NAV3: variants seen among roughly 807,000 people sequenced by gnomAD.
NAV3 encodes neuron navigator 3.
NAV3 carries 87 observed loss-of-function variants against 244.7 expected under a neutral mutation model. The ratio of observed to expected loss-of-function variants is 0.36; its 90% confidence interval spans 0.30 to 0.42. The LOEUF (loss-of-function observed/expected upper bound fraction) is 0.42. NAV3 is among the 20% of genes least tolerant of loss of function. NAV3 has a pLI of 1.00. For missense variants in NAV3, 2,663 were observed against 2,893.3 expected (o/e 0.92, Z 1.83); for synonymous variants, 1,126 against 1,042.2 (o/e 1.08, Z -1.55).
At chr12:77,857,521 T>G (rs1388616730) in intron 1 of NAV3, among the ~76,000 whole-genome samples, 1 of 151,928 alleles carries the variant, frequency 6.6e-6, no homozygotes, top group Non-Finnish European at 1.5e-5. Context: ...TTCCATTTCT[T>G]TCAAGTATTC....
chr12:78,179,818 C>T (rs947453446), intron 29 of NAV3, 136 bp downstream of exon 29: 2 of 1,040,346 alleles, frequency 1.9e-6, no homozygotes, highest in South Asian at 1.9e-5. Context: ...TCAGTCTTTG[C>T]AACTCATCTG....
intron 9 of NAV3, among the ~76,000 whole-genome samples, chr12:78,047,851 A>T (rs991023036): frequency 6.6e-6 from 1 of 151,710 alleles, no homozygotes; most frequent in Non-Finnish European, 1.5e-5. Context: ...TACCAGTCAA[A>T]CCTAGGTTTG....
At chr12:77,606,813 G>T (rs696454) in intron 2 of NAV3, among the ~76,000 whole-genome samples, 1 of 151,996 alleles carries the variant, frequency 6.6e-6, no homozygotes, top group African/African-American at 2.4e-5. Flanking sequence ...GCTGTAATCC[G>T]TTAGAGCAAG....
intron 12 of NAV3, chr12:78,088,909 A>G (rs1183428419): frequency 1.3e-5 from 2 of 152,124 alleles, no homozygotes; most frequent in African/African-American, 4.8e-5. Flanking sequence ...AACCCCAAAC[A>G]TCTTCTCTTA....
intron 2 of NAV3, among the ~76,000 whole-genome samples, chr12:77,578,004 C>T (rs1210917734): frequency 6.6e-6 from 1 of 151,960 alleles, no homozygotes; most frequent in Non-Finnish European, 1.5e-5. Context: ...TAATTGTCTC[C>T]AAAATTGATT....
chr12:78,071,673 G>T (rs1952777259), intron 12 of NAV3, among the ~76,000 whole-genome samples: 1 of 152,074 alleles, frequency 6.6e-6, no homozygotes, highest in South Asian at 2.1e-4. Flanking sequence ...AAGGGATCCA[G>T]TTTCAGCTTT....
At chr12:78,036,834 A>G in intron 9 of NAV3, 2 of 655,286 alleles carry the variant, frequency 3.1e-6, no homozygotes, top group Non-Finnish European at 5.5e-6. Flanking sequence ...TATGAAGTCC[A>G]ATTGAAAGGA....
intron 2 of NAV3, among the ~76,000 whole-genome samples, chr12:77,592,459 T>C (rs11105822): frequency 0.22 from 33,927 of 152,172 alleles, 3,904 homozygotes; most frequent in Admixed American, 0.26. Context: ...GGGGCTCTTT[T>C]TGTGTCACTC....
At chr12:77,827,236 CAAAAAAAAAAAAAAA>C (rs10615824), upstream of NAV3, among the ~76,000 whole-genome samples, 1 of 68,530 alleles carries the variant, frequency 1.5e-5, no homozygotes, top group East Asian at 5.0e-4. Context: ...ACTCTGTCTC[CAAAAAAAAAAAAAAA>C]AAAAAAAAAA....
At chr12:77,910,309 A>C (rs1454777793) in intron 1 of NAV3, among the ~76,000 whole-genome samples, 1 of 151,944 alleles carries the variant, frequency 6.6e-6, no homozygotes, top group Non-Finnish European at 1.5e-5. Flanking sequence ...AAGAGGGAGC[A>C]AGAGAGAGAG....
intron 12 of NAV3, among the ~76,000 whole-genome samples, chr12:78,068,643 A>G (rs1285480494): frequency 1.4e-5 from 2 of 147,574 alleles, no homozygotes; most frequent in Non-Finnish European, 3.0e-5. Flanking sequence ...TTACATATAT[A>G]TAATTTATAA....
intron 3 of NAV3, among the ~76,000 whole-genome samples, chr12:77,952,923 T>G (rs1003631130): frequency 6.6e-6 from 1 of 152,108 alleles, no homozygotes; most frequent in Admixed American, 6.6e-5. Context: ...TACATACATG[T>G]TTTTAGGTTT....
chr12:77,619,645 A>G (rs962091320), intron 2 of NAV3, among the ~76,000 whole-genome samples: 1 of 152,142 alleles, frequency 6.6e-6, no homozygotes, highest in African/African-American at 2.4e-5. Context: ...TTTTTGGACT[A>G]TTGAAGGGAT....
At chr12:77,973,471 A>G (rs1893176363) in intron 5 of NAV3, among the ~76,000 whole-genome samples, 1 of 152,190 alleles carries the variant, frequency 6.6e-6, no homozygotes, top group Non-Finnish European at 1.5e-5. Flanking sequence ...GTCCACTTTC[A>G]AAGATGAACG....
intron 12 of NAV3, among the ~76,000 whole-genome samples, chr12:78,094,616 T>G (rs1954134221): frequency 6.6e-6 from 1 of 152,234 alleles, no homozygotes; most frequent in African/African-American, 2.4e-5. Context: ...CTATTTTATT[T>G]ACTTCAGTTA....
intron 3 of NAV3, among the ~76,000 whole-genome samples, chr12:77,950,032 C>A (rs545058915): frequency 6.6e-6 from 1 of 152,192 alleles, no homozygotes; most frequent in South Asian, 2.1e-4. Flanking sequence ...ATTCCATTGT[C>A]TGAATGTACC....
chr12:77,775,065 T>C (rs1006794024), intron 2 of NAV3, among the ~76,000 whole-genome samples: 1 of 152,172 alleles, frequency 6.6e-6, no homozygotes, highest in African/African-American at 2.4e-5. Context: ...TATCAGGAGC[T>C]AGTTGCTTTA....
At chr12:77,626,926 A>G (rs996557489) in intron 2 of NAV3, among the ~76,000 whole-genome samples, 6 of 152,162 alleles carry the variant, frequency 3.9e-5, no homozygotes, top group African/African-American at 1.4e-4. Context: ...GTCAAAAGAT[A>G]TCACTACATA....
chr12:77,760,564 A>C (rs1361120068), intron 2 of NAV3, among the ~76,000 whole-genome samples: 3 of 152,180 alleles, frequency 2.0e-5, no homozygotes, highest in Admixed American at 2.0e-4. Flanking sequence ...CGTAAGTAGA[A>C]CGTCAAAGCC....
Sources: allele counts gnomAD v4.1 joint callset (sites outside exome capture counted in the v4.1 genomes callset), GRCh38; gene constraint gnomAD v4.1.1; transcripts MANE v1.5; gene names NCBI Gene and HGNC (gene_info 2026-07-23, HGNC 2026-07-21).